EML1: variants seen among roughly 807,000 people sequenced by gnomAD.
The protein encoded by EML1 is EMAP like 1.
EML1 carries 27 observed loss-of-function variants against 110.4 expected under a neutral mutation model. The observed-to-expected ratio is 0.24, with a 90% CI of 0.18 to 0.34. The LOEUF (loss-of-function observed/expected upper bound fraction) is 0.34. Among genes scored for constraint, EML1 ranks in the 10% least tolerant of loss-of-function variants. The probability of loss-of-function intolerance (pLI) is 1.00; values close to 1 mark genes in which losing one functional copy is unlikely to be tolerated. For missense variants in EML1, 741 were observed against 1,030.9 expected, an observed-to-expected ratio of 0.72 and a Z score of 3.85; for synonymous variants, 344 against 385.8, an observed-to-expected ratio of 0.89 and a Z score of 1.27.
chr14:99,905,558 A>T lies in EML1; in HGVS notation c.1009-2080A>T, dbSNP rs1308602347. Among the ~76,000 whole-genome samples the T allele has an allele frequency of 3.3e-5, 5 of 152,250 alleles. No homozygotes were observed. Among genetic ancestry groups the T allele is most frequent in the Non-Finnish European group, 7.3e-5 (5 of 68,036 alleles). On this transcript the variant is annotated intron_variant, in intron 9 of 21. Coordinates refer to ENST00000262233, the MANE Select transcript of EML1 (RefSeq NM_004434.3). The surrounding 1 kb of genome is among the most constrained non-coding windows in gnomAD (Gnocchi z 4.1). Reference sequence around the variant, plus strand: ...TGATAACGAAGGGATCTTTCCCAGCAGTCCCGTCAGCTCTTAAATTTCCCC... The same window carrying T: ...TGATAACGAAGGGATCTTTCCCAGCTGTCCCGTCAGCTCTTAAATTTCCCC...
intron 1 of EML1, among the ~76,000 whole-genome samples, chr14:99,805,481 T>G (rs2057954460): frequency 6.6e-6 from 1 of 152,172 alleles, no homozygotes; most frequent in Non-Finnish European, 1.5e-5. Flanking sequence ...TCTTCTTCTT[T>G]TTTAAATCTT....
At chr14:99,815,968 G>C (rs1002849047) in intron 1 of EML1, among the ~76,000 whole-genome samples, 1 of 152,290 alleles carries the variant, frequency 6.6e-6, no homozygotes, top group South Asian at 2.1e-4. Flanking sequence ...AAGCACTTCA[G>C]TTACGGCAGC....
intron 1 of EML1, among the ~76,000 whole-genome samples, chr14:99,776,949 A>G (rs1199865616): frequency 6.6e-6 from 1 of 152,224 alleles, no homozygotes; most frequent in African/African-American, 2.4e-5. Flanking sequence ...TGTAGAATTG[A>G]GAGTTCTTCA....
intron 3 of EML1, among the ~76,000 whole-genome samples, chr14:99,873,163 A>T (rs936494536): frequency 6.6e-6 from 1 of 152,196 alleles, no homozygotes; most frequent in Admixed American, 6.5e-5. Flanking sequence ...AGAGACAATC[A>T]CTGTTCTCTG....
At chr14:99,831,451 T>G (rs2058451559) in intron 1 of EML1, among the ~76,000 whole-genome samples, 1 of 152,158 alleles carries the variant, frequency 6.6e-6, no homozygotes, top group Non-Finnish European at 1.5e-5. Flanking sequence ...GTTGCTCCCA[T>G]CGGCAGCTGT....
upstream of EML1, among the ~76,000 whole-genome samples, chr14:99,770,846 G>A (rs549464273): frequency 3.5e-5 from 5 of 142,782 alleles, no homozygotes; most frequent in South Asian, 2.3e-4. Context: ...GTGCAGTGGC[G>A]CGATCTCGGC....
In EML1 at chr14:99,878,502, G is replaced by C; in HGVS notation, c.401G>C (p.Ser134Thr). ...ACCCTTAGTAACATCAAGAGGACCA[G>C]CTCTTCTGAACGAGTGTCTCCTGGG... is the stretch of plus-strand genomic sequence containing the variant. ...PATKSNIKRT[S>T]SSERVSPGGR... The change falls in exon 4 of 22, where the codon AGC becomes ACC. Residue 134 changes from serine to threonine, a missense_variant. Ser to Thr is a moderately conservative substitution (Grantham distance 58). Transcript: ENST00000262233. 1 of 1,613,282 alleles carries C rather than the reference G, an allele frequency of 6.2e-7. No individual in the cohort carries two copies. The highest frequency in any genetic ancestry group is 8.5e-7 in the Non-Finnish European group (1 of 1,179,772).
At position 99,862,870 on chromosome 14, in the gene EML1, G is replaced by C. The variant is rs117538002; in HGVS notation, c.251-2644G>C. Among the ~76,000 whole-genome samples the C allele has an allele frequency of 4.8e-3, 728 of 152,272 alleles. 1 individual carries two copies. The highest frequency in any genetic ancestry group is 0.017 in the African/African-American group (689 of 41,544). On this transcript the variant is annotated intron_variant, in intron 2 of 21. Coordinates refer to ENST00000262233, the MANE Select transcript of EML1 (RefSeq NM_004434.3). The stretch of plus-strand genomic sequence containing the variant: ...TTGGAAACCAAGGTTTGGGCATTAG[G>C]TGTCATTGCTTTAGGCCCTGTCAGC...
chr14:99,737,727 G>T (rs1489299547), exon 1 of EML1: 12 of 1,202,892 alleles, frequency 1.0e-5, no homozygotes, highest in Non-Finnish European at 1.3e-5. Context: ...ACGCTGCCTG[G>T]GGCTGGACGC....
At chr14:99,774,357 G>A (rs983638246) in intron 1 of EML1, among the ~76,000 whole-genome samples, 1 of 152,190 alleles carries the variant, frequency 6.6e-6, no homozygotes, top group African/African-American at 2.4e-5. Flanking sequence ...CAGCTCTGGG[G>A]CCTGGCAGGG....
At chr14:99,742,334 C>T (rs2057052620) in intron 1 of EML1, among the ~76,000 whole-genome samples, 1 of 152,144 alleles carries the variant, frequency 6.6e-6, no homozygotes, top group Non-Finnish European at 1.5e-5. Context: ...TGGTTACTGG[C>T]CAGTTCATCC....
intron 17 of EML1, among the ~76,000 whole-genome samples, chr14:99,922,340 TCCTGA>T (rs963289857): frequency 1.3e-5 from 2 of 152,174 alleles, no homozygotes; most frequent in African/African-American, 4.8e-5. Context: ...GGTCTCAAAC[TCCTGA>T]CCTCAGGTGA....
At position 99,929,847 on chromosome 14, in the gene EML1, G is replaced by A. The variant is rs74964841; in HGVS notation, c.1910-6182G>A. Among the ~76,000 whole-genome samples, 374 of 152,324 alleles carry A rather than the reference G, an allele frequency of 2.5e-3. 3 individuals carry two copies. Among genetic ancestry groups the A allele is most frequent in the African/African-American group, 7.8e-3 (323 of 41,572 alleles). ...AGCACCCTGCGCTGCCATGTGCTAA[G>A]AAGGGAAACCATGATGAAATGATGA... On this transcript the variant is annotated intron_variant, in intron 17 of 21. Coordinates refer to ENST00000262233, the MANE Select transcript of EML1 (RefSeq NM_004434.3).
upstream of EML1, chr14:99,792,876 G>A (rs958558838): frequency 7.9e-5 from 12 of 152,256 alleles, no homozygotes; most frequent in African/African-American, 2.9e-4. Context: ...GGGCCACAGT[G>A]AGCCGCGGCG....
intron 17 of EML1, among the ~76,000 whole-genome samples, chr14:99,925,926 A>C (rs2060225408): frequency 6.6e-6 from 1 of 152,152 alleles, no homozygotes; most frequent in South Asian, 2.1e-4. Flanking sequence ...CTTCCATCCC[A>C]GTGCTACTAT....
chr14:99,878,565 G>A lies in EML1; in HGVS notation c.464G>A (p.Arg155Gln), dbSNP rs750230794. 10 of 1,613,910 alleles carry A rather than the reference G, an allele frequency of 6.2e-6. No individual in the cohort carries two copies. Among genetic ancestry groups the A allele is most frequent in the Admixed American group, 1.7e-5 (1 of 59,994 alleles). ...RESNGDSRGN[R>Q]NRTGSTSSSS... ...AGCAATGGGGATTCCAGAGGAAACC[G>A]GAATCGCACAGGCTCCACCAGCAGC... The change falls in exon 4 of 22, where the codon CGG becomes CAG. Residue 155 changes from arginine to glutamine, a missense_variant. Around this residue, in one of 4 missense-constraint regions of EML1, gnomAD observed 226 missense variants for 255.6 expected, o/e 0.88. Transcript: ENST00000262233.
chr14:99,802,935 G>A (rs2057908526), intron 1 of EML1, among the ~76,000 whole-genome samples: 1 of 152,050 alleles, frequency 6.6e-6, no homozygotes, highest in Admixed American at 6.5e-5. Context: ...TCCCACTTTA[G>A]CACCCAGGGC....
intron 1 of EML1, among the ~76,000 whole-genome samples, chr14:99,839,750 G>A (rs369102856): frequency 6.6e-6 from 1 of 152,294 alleles, no homozygotes; most frequent in East Asian, 1.9e-4. Context: ...AGCTTCATTT[G>A]AAACAGGTTT....
Position 99,765,615 on chromosome 14 carries a change from A to AT in EML1, c.28+27761dup, listed in dbSNP as rs575141599. ...GATTTACCGCACTATATATATATAT[A>AT]TTTTTTGAGACAGAGTCTGGCTCTT... On this transcript the variant is annotated intron_variant, in intron 1 of 10. Transcript: ENST00000554479. 6.7e-3 allele frequency among the ~76,000 whole-genome samples: 1,012 copies of AT among 151,966 alleles called. 12 individuals carry two copies. The highest frequency in any genetic ancestry group is 0.023 in the African/African-American group (973 of 41,430).
Sources: gnomAD v4.1 joint callset for allele counts (sites outside exome capture counted in the v4.1 genomes callset) on GRCh38, gnomAD v4.1.1 for gene constraint, gnomAD v4.1.1 regional missense constraint, Gnocchi (gnomAD v3.1) non-coding constraint, MANE v1.5 for transcripts, NCBI Gene and HGNC (gene_info 2026-07-23, HGNC 2026-07-21) for gene names.